ZNF248: variants seen among roughly 807,000 people sequenced by gnomAD.
The protein encoded by ZNF248 is zinc finger protein 248, also known as KRAB protein domain.
Under a neutral mutation model 44.3 loss-of-function variants are expected in ZNF248, and 20 were observed. The observed-to-expected ratio is 0.45, with a 90% CI of 0.32 to 0.66. The LOEUF (loss-of-function observed/expected upper bound fraction) is 0.66, where lower values mean the gene tolerates loss of function less well. Ranked by LOEUF, ZNF248 falls within the 30% of genes least tolerant of loss-of-function variation. The pLI is 0.04. For synonymous variants in ZNF248, 224 were observed against 229.0 expected (o/e 0.98, Z 0.20); for missense variants, 654 against 677.0 (o/e 0.97, Z 0.38).
At chr10:37,765,339 C>T in the ZNF248 span, among the ~76,000 whole-genome samples, 2 of 152,100 alleles carry the variant, frequency 1.3e-5, no homozygotes, top group African/African-American at 2.4e-5. Flanking sequence ...TTCCTTTAAA[C>T]AAATGGTCTC....
intron 6 of ZNF248, among the ~76,000 whole-genome samples, chr10:37,793,331 T>C (rs2048780486): frequency 1.3e-5 from 2 of 151,976 alleles, no homozygotes; most frequent in African/African-American, 2.4e-5. Context: ...AGAGACTCTG[T>C]CTAAAAAAAA....
At chr10:37,851,921 C>A (rs910719678) in intron 3 of ZNF248, among the ~76,000 whole-genome samples, 1 of 151,962 alleles carries the variant, frequency 6.6e-6, no homozygotes, top group Non-Finnish European at 1.5e-5. Context: ...TGGAAGTTAA[C>A]CCAGAGGTCC....
intron 6 of ZNF248, chr10:37,796,223 T>C (rs1206176547): frequency 8.5e-6 from 1 of 117,706 alleles, no homozygotes; most frequent in Non-Finnish European, 1.9e-5. Context: ...TTTATAATAC[T>C]TTTTTTTTTT....
chr10:37,825,177 A>G (rs376089454), downstream of ZNF248, among the ~76,000 whole-genome samples: 31 of 152,314 alleles, frequency 2.0e-4, 1 homozygote, highest in East Asian at 2.1e-3. Flanking sequence ...GTAAGAGCAC[A>G]TGAACCAAGA....
chr10:37,786,713 T>A (rs1486434283), intron 6 of ZNF248, among the ~76,000 whole-genome samples: 1 of 152,208 alleles, frequency 6.6e-6, no homozygotes, highest in Non-Finnish European at 1.5e-5. Context: ...CTGCTTTCTT[T>A]CTCAAAATTC....
chr10:37,799,933 T>C (rs1387761355), intron 6 of ZNF248, among the ~76,000 whole-genome samples: 6 of 151,972 alleles, frequency 3.9e-5, no homozygotes, highest in Non-Finnish European at 8.8e-5. Flanking sequence ...GTAGGCCAGG[T>C]GTGGTGGCTC....
rs2061455672 is a variant in ZNF248, at chr10:37,857,207, C to T, written c.-148G>A. The stretch of plus-strand genomic sequence containing the variant: ...CACCTCTCTCTTCTTAAATTTGTCC[C>T]AGACCTTGCACCAGCACACAGACTC... On this transcript the variant is annotated 5_prime_UTR_variant, in exon 1 of 6. Transcript: ENST00000395867. The T allele has an allele frequency of 1.3e-5, 2 of 153,378 alleles. No individual in the cohort carries two copies. Among genetic ancestry groups the T allele is most frequent in the South Asian group, 4.1e-4 (2 of 4,858 alleles). 9.5% of individuals were successfully genotyped at this position (153,378 alleles called of 1,614,324 possible).
chr10:37,819,270 C>CTGA, intron 6 of ZNF248: 1 of 909,484 alleles, frequency 1.1e-6, no homozygotes, highest in East Asian at 2.4e-5. Context: ...AAGTTTAGAT[C>CTGA]ATTTCCCTCA....
At position 37,831,669 on chromosome 10, in the gene ZNF248, C is replaced by G; in HGVS notation, c.1686G>C (p.Val562=). 6.2e-7 allele frequency: 1 copy of G among 1,613,928 alleles called. No individual in the cohort carries two copies. The highest frequency in any genetic ancestry group is 8.5e-7 in the Non-Finnish European group (1 of 1,179,868). The change falls in exon 6 of 6, where the codon GTG becomes GTC. Residue 562 remains valine, a synonymous_variant. Coordinates refer to ENST00000395867, the MANE Select transcript of ZNF248 (RefSeq NM_021045.3). ...TGTGAATTCTCTGATGTTTGGTGAG[C>G]ACTGACCTCTGACTAAAGGTCTTCC... ...ACGKTFSQRS[V]LTKHQRIHTR...
chr10:37,760,977 C>T, the ZNF248 span, among the ~76,000 whole-genome samples: 11 of 152,314 alleles, frequency 7.2e-5, no homozygotes, highest in East Asian at 5.8e-4. Flanking sequence ...ACCACAAGAA[C>T]GAGATGGCAT....
intron 6 of ZNF248, among the ~76,000 whole-genome samples, chr10:37,794,006 C>T (rs2048854154): frequency 6.6e-6 from 1 of 152,060 alleles, no homozygotes; most frequent in Admixed American, 6.5e-5. Flanking sequence ...ATTTGATGTA[C>T]AAGTAATTAT....
the ZNF248 span, among the ~76,000 whole-genome samples, chr10:37,760,839 G>GA: frequency 2.0e-5 from 3 of 151,778 alleles, no homozygotes; most frequent in Non-Finnish European, 2.9e-5. Context: ...TGTCTTGGGG[G>GA]AAAAAAAAGT....
At chr10:37,794,838 T>A (rs1163813827) in intron 6 of ZNF248, 2 of 156,486 alleles carry the variant, frequency 1.3e-5, no homozygotes, top group African/African-American at 4.8e-5. Context: ...GCTTCTCCCC[T>A]ATGTGTATTC....
intron 3 of ZNF248, 130 bp from the exon 4 acceptor site, chr10:37,838,241 C>G: frequency 1.4e-6 from 1 of 722,512 alleles, no homozygotes; most frequent in Non-Finnish European, 2.1e-6. Context: ...CTATACTATA[C>G]AGAATACAAA....
chr10:37,767,358 T>G, the ZNF248 span, among the ~76,000 whole-genome samples: 1 of 152,124 alleles, frequency 6.6e-6, no homozygotes, highest in Non-Finnish European at 1.5e-5. Flanking sequence ...GAAAAAATGT[T>G]AAGGGCAGCC....
At chr10:37,798,105 TC>T (rs1467503992) in intron 6 of ZNF248, among the ~76,000 whole-genome samples, 1 of 152,152 alleles carries the variant, frequency 6.6e-6, no homozygotes, top group Non-Finnish European at 1.5e-5. Context: ...ATTTGGTATA[TC>T]TGTACAATGT....
downstream of ZNF248, among the ~76,000 whole-genome samples, chr10:37,774,017 A>G (rs1405652723): frequency 1.3e-5 from 2 of 151,984 alleles, no homozygotes; most frequent in Non-Finnish European, 2.9e-5. Context: ...ACACAGGCAC[A>G]TGCACCCATA....
Position 37,828,870 on chromosome 10 carries a change from T to A in ZNF248, c.*2745A>T, listed in dbSNP as rs547304884. The A allele has an allele frequency of 2.2e-5, 22 of 985,340 alleles. No individual in the cohort carries two copies. In the African/African-American group the frequency reaches 3.5e-4, roughly 16 times the overall value. 61.0% of individuals were successfully genotyped at this position (985,340 alleles called of 1,614,324 possible). A position where few individuals can be genotyped will look rare whatever the true frequency, so the allele number is the denominator to read the frequency against. On this transcript the variant is annotated 3_prime_UTR_variant, in exon 6 of 6. Coordinates refer to ENST00000395867, the MANE Select transcript of ZNF248 (RefSeq NM_021045.3). ...GTATGAATAATGTAATTTAATATAA[T>A]GTCTGCTTCACACATGTTGAAGGAG...
At position 37,820,004 on chromosome 10, in the gene ZNF248, T is replaced by C. The variant is rs182922141; in HGVS notation, c.330+13021A>G. 3,789 of 775,814 alleles carry C rather than the reference T, an allele frequency of 4.9e-3. 21 individuals are homozygous for C. Among genetic ancestry groups the C allele is most frequent in the Non-Finnish European group, 7.1e-3 (3,007 of 424,228 alleles). 48.1% of individuals were successfully genotyped at this position (775,814 alleles called of 1,614,324 possible). A position where few individuals can be genotyped will look rare whatever the true frequency, so the allele number is the denominator to read the frequency against. ...TGCATGCTCTTATCTCTACATGCCA[T>C]CTTCTCTTTTTGACTTTTCTATGAG... On this transcript the variant is annotated intron_variant, in intron 6 of 6. Coordinates refer to the ZNF248 transcript ENST00000615949.
Sources: gnomAD v4.1 joint callset for allele counts (sites outside exome capture counted in the v4.1 genomes callset) on GRCh38, gnomAD v4.1.1 for gene constraint, MANE v1.5 for transcripts, NCBI Gene and HGNC (gene_info 2026-07-23, HGNC 2026-07-21) for gene names.